Variants in AKAP13 observed in about 807,000 individuals in gnomAD.
The protein encoded by AKAP13 is A-kinase anchor protein 13.
Under a neutral mutation model 264.5 loss-of-function variants are expected in AKAP13, and 80 were observed. That is an observed-to-expected ratio of 0.30 (90% CI 0.25 to 0.36). The LOEUF (loss-of-function observed/expected upper bound fraction) is 0.36. Ranked by LOEUF, AKAP13 falls within the 10% of genes least tolerant of loss-of-function variation. The pLI is 1.00. For missense variants in AKAP13, 3,712 were observed against 3,435.2 expected (o/e 1.08, Z -2.01); for synonymous variants, 1,380 against 1,250.2 (o/e 1.10, Z -2.19).
chr15:85,703,858 A>ATATG (rs1362674079), intron 17 of AKAP13, among the ~76,000 whole-genome samples: 1 of 145,050 alleles, frequency 6.9e-6, no homozygotes, highest in Non-Finnish European at 1.5e-5. Flanking sequence ...AAAAAAATAT[A>ATATG]TATATATATA....
In AKAP13 at chr15:85,581,222, G is replaced by C; in HGVS notation, c.3154G>C (p.Asp1052His). The change falls in exon 7 of 37, where the codon GAT (aspartate) becomes CAT (histidine). Residue 1052 changes from aspartate to histidine, a missense_variant. Physicochemically the swap from Asp to His is moderately conservative, Grantham distance 81 (BLOSUM62 -1). Transcript: ENST00000394518. ...LLPCLLPDGS[D>H]GSDALNCSQP... ...GCCATGTCTGTTGCCAGATGGGTCT[G>C]ATGGGTCCGATGCTCTTAACTGCAG... The C allele has an allele frequency of 1.2e-6, 2 of 1,614,164 alleles. No individual in the cohort carries two copies. Among genetic ancestry groups the C allele is most frequent in the Admixed American group, 3.3e-5 (2 of 60,032 alleles).
chr15:85,577,769 G>T (rs544125214), intron 6 of AKAP13: 78 of 980,990 alleles, frequency 8.0e-5, no homozygotes, highest in Non-Finnish European at 9.2e-5. Context: ...AAAGGTGAAA[G>T]AATATCTGCC....
intron 1 of AKAP13, among the ~76,000 whole-genome samples, chr15:85,394,403 C>T (rs977361188): frequency 1.3e-5 from 2 of 152,160 alleles, no homozygotes; most frequent in Admixed American, 6.5e-5. Flanking sequence ...CTTTCTCTTC[C>T]GTAGTCCCTT....
At chr15:85,650,771 AAAAAAAAAAAAAAAAAAAACAAC>A (rs1469036891) in intron 10 of AKAP13, among the ~76,000 whole-genome samples, 7 of 139,802 alleles carry the variant, frequency 5.0e-5, no homozygotes, top group Non-Finnish European at 1.1e-4. Flanking sequence ...AAAAAAAAAA[AAAAAAAAAAAAAAAAAAAACAAC>A]AAAAACTGCA....
rs3743328 is a variant in AKAP13, at chr15:85,747,185, G to A, written c.*2508G>A. 1 of 152,198 alleles carries A rather than the reference G, an allele frequency of 6.6e-6. No individual in the cohort carries two copies. The highest frequency in any genetic ancestry group is 2.1e-4 in the South Asian group (1 of 4,826). The allele number at this position is 152,198 out of a possible 1,614,324, so 9.4% of individuals were successfully genotyped here. ...ATCCAGGAATACAGTCTGCAGTGCA[G>A]CAACAGAACCGCTTACCAAGAACTG... On this transcript the variant is annotated 3_prime_UTR_variant, in exon 37 of 37. Transcript: ENST00000394518.
intron 1 of AKAP13, among the ~76,000 whole-genome samples, chr15:85,405,865 G>C (rs2071637187): frequency 6.7e-6 from 1 of 148,720 alleles, no homozygotes; most frequent in East Asian, 2.0e-4. Context: ...TCTTTTTTTT[G>C]AGACAGAGTC....
chr15:85,746,919 A>C lies in AKAP13; in HGVS notation c.*2242A>C, dbSNP rs1318899497. 6.6e-6 allele frequency: 1 copy of C among 152,224 alleles called. No homozygotes were observed. Among genetic ancestry groups the C allele is most frequent in the African/African-American group, 2.4e-5 (1 of 41,446 alleles). The allele number at this position is 152,224 out of a possible 1,614,324, so 9.4% of individuals were successfully genotyped here. A position where few individuals can be genotyped will look rare whatever the true frequency, so the allele number is the denominator to read the frequency against. ...ATTTACTTGCGTACGTGCTCTTCAC[A>C]AAAACACCGTGGATGCTGAAGTTAG... On this transcript the variant is annotated 3_prime_UTR_variant, in exon 37 of 37. Coordinates refer to ENST00000394518, the MANE Select transcript of AKAP13 (RefSeq NM_007200.5).
At chr15:85,643,031 A>T (rs1567171380) in intron 9 of AKAP13, among the ~76,000 whole-genome samples, 1 of 128,144 alleles carries the variant, frequency 7.8e-6, no homozygotes, top group African/African-American at 3.2e-5. Flanking sequence ...AAAAAAAAAA[A>T]ACCTCCAGAA....
At position 85,581,650 on chromosome 15, in the gene AKAP13, G is replaced by A. The variant is rs2079143771; in HGVS notation, c.3582G>A (p.Glu1194=). Residue 1194 remains glutamate, a synonymous_variant, in exon 7 of 37, where the codon GAG becomes GAA. Coordinates refer to ENST00000394518, the MANE Select transcript of AKAP13 (RefSeq NM_007200.5). ...TCCTACTGCAGCCTGTTGCCAAGGA[G>A]CTCCCCACAGACATGGAGCTCTCAG... ...HPVLLQPVAK[E]LPTDMELSAH... The A allele has an allele frequency of 1.9e-6, 3 of 1,614,156 alleles. No individual in the cohort carries two copies. Among genetic ancestry groups the A allele is most frequent in the Non-Finnish European group, 1.7e-6 (2 of 1,180,036 alleles).
chr15:85,423,048 T>C (rs2072596209), intron 1 of AKAP13, among the ~76,000 whole-genome samples: 1 of 152,222 alleles, frequency 6.6e-6, no homozygotes. Context: ...CATCCCTTAA[T>C]TGAAAAATAT....
At chr15:85,411,926 T>G (rs2071990034) in intron 1 of AKAP13, among the ~76,000 whole-genome samples, 1 of 152,206 alleles carries the variant, frequency 6.6e-6, no homozygotes, top group South Asian at 2.1e-4. Context: ...ATCAGAAGTT[T>G]GGAAAATATG....
intron 2 of AKAP13, chr15:85,520,637 G>T (rs756382421): frequency 3.9e-6 from 2 of 518,652 alleles, no homozygotes; most frequent in African/African-American, 3.9e-5. Context: ...GGATAAAGAA[G>T]AGTAGGAATG....
In AKAP13 at chr15:85,391,837, T is replaced by G. The variant is rs1020560557; in HGVS notation, c.-12+11039T>G. Among the ~76,000 whole-genome samples, 8 of 151,992 alleles carry G rather than the reference T, an allele frequency of 5.3e-5. No individual in the cohort carries two copies. In the South Asian group the frequency reaches 1.7e-3, roughly 32 times the overall value. On this transcript the variant is annotated intron_variant, in intron 1 of 36. Coordinates refer to ENST00000394518, the MANE Select transcript of AKAP13 (RefSeq NM_007200.5). ...TCTTGCTTTGTCACCCAGGCTGGAG[T>G]GCAGCGGTGCGATCTCGGCTCACTG...
intron 1 of AKAP13, among the ~76,000 whole-genome samples, 181 bp downstream of exon 1, chr15:85,380,979 G>C (rs1427839715): frequency 6.6e-6 from 1 of 152,126 alleles, no homozygotes; most frequent in Non-Finnish European, 1.5e-5. Flanking sequence ...CGGGACCTCA[G>C]GTCTGCGGAC....
At chr15:85,609,132 C>CA (rs1397483117) in intron 8 of AKAP13, among the ~76,000 whole-genome samples, 1 of 152,150 alleles carries the variant, frequency 6.6e-6, no homozygotes, top group Non-Finnish European at 1.5e-5. Flanking sequence ...TGAAAACATT[C>CA]AAAATCCTCT....
intron 23 of AKAP13, 97 bp from the exon 24 acceptor site, chr15:85,721,894 C>A (rs147594356): frequency 6.3e-5 from 96 of 1,535,386 alleles, no homozygotes; most frequent in Non-Finnish European, 8.3e-5. Context: ...TATGAGGAAG[C>A]GCTCTTGACT....
At chr15:85,636,372 A>G (rs917722066) in intron 8 of AKAP13, among the ~76,000 whole-genome samples, 27 of 152,266 alleles carry the variant, frequency 1.8e-4, no homozygotes, top group Admixed American at 1.6e-3. Context: ...TTCCAATGGT[A>G]TGCGTTTTCT....
At chr15:85,662,411 T>G (rs539204321) in intron 12 of AKAP13, 4 of 1,614,202 alleles carry the variant, frequency 2.5e-6, no homozygotes, top group Admixed American at 3.3e-5. Context: ...CCCTCTGGTG[T>G]GCAGTACTCT....
chr15:85,577,333 GGC>G (rs375619822), intron 6 of AKAP13, among the ~76,000 whole-genome samples: 92,708 of 151,256 alleles, frequency 0.61, 28,519 homozygotes, highest in Middle Eastern at 0.72. Context: ...ATGAATGAAT[GGC>G]GAGCAAACCA....
Sources: gnomAD v4.1 joint callset for allele counts (sites outside exome capture counted in the v4.1 genomes callset) on GRCh38, gnomAD v4.1.1 for gene constraint, MANE v1.5 for transcripts, NCBI Gene and HGNC (gene_info 2026-07-23, HGNC 2026-07-21) for gene names.